Variants in ZC3HC1 observed in about 807,000 individuals in gnomAD.
ZC3HC1 encodes zinc finger C3HC-type protein 1.
In ZC3HC1, 38 loss-of-function variants were observed where a neutral mutation model predicts 61.9. The ratio of observed to expected loss-of-function variants is 0.61; its 90% CI spans 0.47 to 0.81. ZC3HC1 has a LOEUF of 0.81. ZC3HC1 is among the 30% of genes least tolerant of loss of function. The probability of loss-of-function intolerance (pLI) is 0.00; values close to 1 mark genes in which losing one functional copy is unlikely to be tolerated. For missense variants in ZC3HC1, 554 were observed against 622.7 expected (o/e 0.89, Z 1.17); for synonymous variants, 213 against 229.9 (o/e 0.93, Z 0.67).
intron 9 of ZC3HC1, among the ~76,000 whole-genome samples, chr7:130,021,232 T>A (rs1433113413): frequency 6.6e-6 from 1 of 152,174 alleles, no homozygotes; most frequent in Non-Finnish European, 1.5e-5. Flanking sequence ...TTAGCATTAC[T>A]ATAGTTCCCT....
At chr7:130,024,210 C>T in intron 7 of ZC3HC1, 53 bp downstream of exon 7, 1 of 1,537,138 alleles carries the variant, frequency 6.5e-7, no homozygotes, top group Non-Finnish European at 8.7e-7. Flanking sequence ...ACCAACAACA[C>T]TTTTGCCAAG....
Position 130,044,792 on chromosome 7 carries a change from C to T in ZC3HC1, c.259-3691G>A, listed in dbSNP as rs79618708. 5.8e-4 allele frequency among the ~76,000 whole-genome samples: 89 copies of T among 152,278 alleles called. 3 individuals carry two copies. The East Asian group carries it at 0.016, about 28-fold the overall frequency. ...ACCATAAAGGGATAAATAGAAATCA[C>T]GTGTCACCTGACAGGATGCAATGAG... On this transcript the variant is annotated intron_variant, in intron 2 of 9. Transcript: ENST00000358303.
chr7:130,038,302 G>A (rs1248320417), intron 4 of ZC3HC1, among the ~76,000 whole-genome samples: 3 of 152,192 alleles, frequency 2.0e-5, no homozygotes, highest in South Asian at 2.1e-4. Flanking sequence ...CAGTGCTGCT[G>A]TGATAGTGTA....
chr7:130,019,965 T>C (rs1485093011), intron 9 of ZC3HC1, among the ~76,000 whole-genome samples: 2 of 151,630 alleles, frequency 1.3e-5, no homozygotes, highest in African/African-American at 4.8e-5. Context: ...TACAGGCATA[T>C]GCCACCACGC....
intron 5 of ZC3HC1, among the ~76,000 whole-genome samples, chr7:130,027,954 G>T (rs1793994659): frequency 6.8e-6 from 1 of 148,082 alleles, no homozygotes; most frequent in Admixed American, 6.7e-5. Context: ...GGATCACGAG[G>T]TCAGGAGATC....
intron 4 of ZC3HC1, among the ~76,000 whole-genome samples, chr7:130,034,299 C>T (rs916388921): frequency 1.1e-4 from 17 of 150,678 alleles, no homozygotes; most frequent in African/African-American, 4.1e-4. Context: ...TCCTGGCTAA[C>T]ACGGTGAAAC....
At chr7:130,018,953 C>T (rs1490137780) in intron 9 of ZC3HC1, among the ~76,000 whole-genome samples, 1 of 152,140 alleles carries the variant, frequency 6.6e-6, no homozygotes, top group Non-Finnish European at 1.5e-5. Context: ...AGACACGGCT[C>T]ATATCCTCCC....
At chr7:130,034,261 G>GT (rs1563080241) in intron 4 of ZC3HC1, among the ~76,000 whole-genome samples, 2 of 150,228 alleles carry the variant, frequency 1.3e-5, no homozygotes, top group Admixed American at 1.3e-4. Flanking sequence ...CGAGGCGGGC[G>GT]TATCACGAGG....
In ZC3HC1 at chr7:130,049,096, C is replaced by G; in HGVS notation, c.195G>C (p.Ala65=). ...TTGTAGATTCCAATGAAGGTTGTTC[C>G]GCTTGGGGTGATCCATTAACTGACT... ...TSQSVNGSPQ[A]EQPSLESTSK... is the part of the protein sequence containing the mutation. The change falls in exon 2 of 10, where the codon GCG becomes GCC. Residue 65 remains alanine (A), a synonymous_variant. Coordinates refer to ENST00000358303, the MANE Select transcript of ZC3HC1 (RefSeq NM_016478.5). 6.2e-7 allele frequency: 1 copy of G among 1,609,818 alleles called. No individual in the cohort carries two copies. The highest frequency in any genetic ancestry group is 8.5e-7 in the Non-Finnish European group (1 of 1,178,204).
intron 3 of ZC3HC1, 107 bp downstream of exon 3, chr7:130,040,844 G>T: frequency 2.0e-5 from 21 of 1,075,732 alleles, no homozygotes; most frequent in Non-Finnish European, 2.6e-5. Context: ...AAAGATTGAA[G>T]TACGCATTTT....
At chr7:130,045,971 AT>A (rs1320079046) in intron 2 of ZC3HC1, among the ~76,000 whole-genome samples, 2 of 151,878 alleles carry the variant, frequency 1.3e-5, no homozygotes, top group Non-Finnish European at 2.9e-5. Flanking sequence ...CTATGCAGCC[AT>A]AAAAGGAACG....
intron 4 of ZC3HC1, among the ~76,000 whole-genome samples, chr7:130,029,256 C>T (rs1484538023): frequency 2.0e-5 from 3 of 152,140 alleles, no homozygotes; most frequent in Admixed American, 1.3e-4. Flanking sequence ...TGCCTGTAAT[C>T]CCAGCTACTC....
intron 4 of ZC3HC1, among the ~76,000 whole-genome samples, chr7:130,032,749 GGGGAAGGGGGGAA>G (rs1195696733): frequency 2.9e-5 from 1 of 34,342 alleles, no homozygotes; most frequent in Non-Finnish European, 6.1e-5. Context: ...GACAGTAAGA[GGGGAAGGGGGGAA>G]GGGAAGGAGG....
rs577383980 is a variant in ZC3HC1 at position 130,039,739 on chromosome 7, T to G, written c.410-192A>C. 112 of 477,586 alleles carry G rather than the reference T, an allele frequency of 2.3e-4. 3 individuals are homozygous for G. In the South Asian group the frequency reaches 4.6e-3, roughly 20 times the overall value. The allele number at this position is 477,586 out of a possible 1,614,324, so 29.6% of individuals were successfully genotyped here. A position where few individuals can be genotyped will look rare whatever the true frequency, so the allele number is the denominator to read the frequency against. ...GAGATCCTAAGATCAACAAAGGAGA[T>G]ACCATGTATCTTATTTTTATTTTTT... On this transcript the variant is annotated intron_variant, in intron 3 of 9. Coordinates refer to ENST00000358303, the MANE Select transcript of ZC3HC1 (RefSeq NM_016478.5).
rs1025164371 is a variant in ZC3HC1, at chr7:130,034,785, C to G, written c.493+4679G>C. Among the ~76,000 whole-genome samples the G allele has an allele frequency of 3.3e-5, 5 of 152,142 alleles. 1 individual carries two copies. The highest frequency in any genetic ancestry group is 3.3e-4 in the Admixed American group (5 of 15,260). ...GGATTACAGGCATGAGACTCCATGC[C>G]TGGCTGGGGTTATTACTTTAAGTCC... On this transcript the variant is annotated intron_variant, in intron 4 of 9. Transcript: ENST00000358303.
At chr7:130,028,434 C>T (rs1354079439) in intron 5 of ZC3HC1, among the ~76,000 whole-genome samples, 1 of 151,806 alleles carries the variant, frequency 6.6e-6, no homozygotes, top group African/African-American at 2.4e-5. Flanking sequence ...CCTAGCTACT[C>T]AGGAGGCTGA....
chr7:130,025,590 C>T (rs569889126), intron 6 of ZC3HC1, among the ~76,000 whole-genome samples: 1 of 151,882 alleles, frequency 6.6e-6, no homozygotes, highest in South Asian at 2.1e-4. Context: ...CAAATTCAGC[C>T]TGGTGTGGTG....
At position 130,019,554 on chromosome 7, in the gene ZC3HC1, T is replaced by C. The variant is rs546842123; in HGVS notation, c.1441-822A>G. ...ATGTTTTAGCCAGCAGTGCTAATAA[T>C]AGGAAGAATCGCAGTGCCATCTGAT... On this transcript the variant is annotated intron_variant, in intron 9 of 9. Transcript: ENST00000358303. Among the ~76,000 whole-genome samples the C allele has an allele frequency of 9.2e-5, 14 of 152,274 alleles. No individual in the cohort carries two copies. The South Asian group carries it at 2.5e-3, about 27-fold the overall frequency.
chr7:130,035,446 G>T (rs1047000525), intron 4 of ZC3HC1, among the ~76,000 whole-genome samples: 1 of 149,896 alleles, frequency 6.7e-6, no homozygotes, highest in African/African-American at 2.5e-5. Context: ...AAAAAATCTC[G>T]TAGTTTCGCA....
Sources: gnomAD v4.1 joint callset for allele counts (sites outside exome capture counted in the v4.1 genomes callset) on GRCh38, gnomAD v4.1.1 for gene constraint, MANE v1.5 for transcripts, NCBI Gene and HGNC (gene_info 2026-07-23, HGNC 2026-07-21) for gene names.